Variants in WDHD1 observed in about 807,000 individuals in gnomAD.
WDHD1 encodes the protein WD repeat and HMG-box DNA binding protein 1.
In WDHD1, 111 loss-of-function variants were observed where a neutral mutation model predicts 135.4. The ratio of observed to expected loss-of-function variants is 0.82; its 90% CI spans 0.70 to 0.96. The LOEUF is 0.96. Among genes scored for constraint, WDHD1 ranks in the 40% least tolerant of loss-of-function variants. The pLI is 0.00. For missense variants in WDHD1, 1,351 were observed against 1,336.3 expected (o/e 1.01, Z -0.17); for synonymous variants, 434 against 439.0 (o/e 0.99, Z 0.14).
intron 17 of WDHD1, 122 bp downstream of exon 17, chr14:54,967,158 C>A (rs1338875991): frequency 2.5e-6 from 2 of 785,924 alleles, no homozygotes; most frequent in African/African-American, 1.8e-5. Flanking sequence ...CCCTGCTACC[C>A]CTATTTATGT....
At chr14:54,998,993 A>G (rs531423143) in intron 10 of WDHD1, among the ~76,000 whole-genome samples, 1 of 152,168 alleles carries the variant, frequency 6.6e-6, no homozygotes, top group Non-Finnish European at 1.5e-5. Flanking sequence ...CTTTTTACAC[A>G]TACAGTATAT....
chr14:54,993,734 C>T (rs1337602612), intron 11 of WDHD1, among the ~76,000 whole-genome samples: 2 of 139,252 alleles, frequency 1.4e-5, no homozygotes, highest in African/African-American at 6.1e-5. Flanking sequence ...ATTGCAATGC[C>T]ACTCTTCTCA....
intron 15 of WDHD1, among the ~76,000 whole-genome samples, chr14:54,982,045 T>C (rs922052613): frequency 6.6e-6 from 1 of 151,862 alleles, no homozygotes; most frequent in African/African-American, 2.4e-5. Flanking sequence ...TCTTGCTGTG[T>C]ACCCAGGCTG....
chr14:55,009,516 C>T (rs867305470), intron 4 of WDHD1, among the ~76,000 whole-genome samples: 1 of 149,624 alleles, frequency 6.7e-6, no homozygotes, highest in Non-Finnish European at 1.5e-5. Flanking sequence ...CACGCAACCT[C>T]TGTCTCCCGG....
rs1282347569 is a variant in WDHD1, at chr14:54,984,605, A to G, written c.1906+118T>C. 4 of 900,146 alleles carry G rather than the reference A, an allele frequency of 4.4e-6. No individual in the cohort carries two copies. In the East Asian group the frequency reaches 1.3e-4, roughly 30 times the overall value. 55.8% of individuals were successfully genotyped at this position (900,146 alleles called of 1,614,324 possible). On this transcript the variant is annotated intron_variant, in intron 15 of 25. Transcript: ENST00000360586. ...ATATTAAAATAGAAATTTAAAATAT[A>G]AAATAGAGATAATTTATTCTTAAAT...
intron 25 of WDHD1, 63 bp downstream of exon 25, chr14:54,944,269 C>G (rs1177425818): frequency 6.3e-7 from 1 of 1,587,928 alleles, no homozygotes; most frequent in African/African-American, 1.4e-5. Context: ...AAAGGCATTT[C>G]TATAAGAATT....
In WDHD1 at chr14:55,026,744, C is replaced by T; in HGVS notation, c.44G>A (p.Gly15Glu). ...RKPMRYGHTE[G>E]HTEVCFDDSG... Reference sequence around the variant, plus strand: ...ATCATCAAAACAGACCTCCGTGTGTCCCTCTGTATGCCCATATCTCATTGG... The same window carrying T: ...ATCATCAAAACAGACCTCCGTGTGTTCCTCTGTATGCCCATATCTCATTGG... Residue 15 changes from glycine to glutamate, a missense_variant, in exon 2 of 26, where the codon GGA becomes GAA. Physicochemically the swap from Gly to Glu is moderately conservative, Grantham distance 98. Transcript: ENST00000360586. 1 of 1,614,218 alleles carries T rather than the reference C, an allele frequency of 6.2e-7. No individual in the cohort carries two copies. The highest frequency in any genetic ancestry group is 1.3e-5 in the African/African-American group (1 of 75,062).
intron 24 of WDHD1, among the ~76,000 whole-genome samples, chr14:54,952,672 C>A (rs947972473): frequency 6.6e-5 from 10 of 152,138 alleles, no homozygotes; most frequent in Non-Finnish European, 1.2e-4. Context: ...CAAAAAAGAG[C>A]CCGCATTGCC....
chr14:54,981,581 G>C lies in WDHD1; in HGVS notation c.2022C>G (p.His674Gln). Residue 674 changes from histidine (H) to glutamine (Q), a missense_variant, in exon 16 of 26, where the codon CAC becomes CAG. Physicochemically the swap from His to Gln is conservative, Grantham distance 24. Around this residue, in one of 2 missense-constraint regions of WDHD1, gnomAD observed 1,330 missense variants for 1,296.1 expected, o/e 1.03. Coordinates refer to ENST00000360586, the MANE Select transcript of WDHD1 (RefSeq NM_007086.4). ...TREHCKGKSD[H>Q]YWVVGIHENP... is the part of the protein sequence containing the mutation. ...TTTCATGGATACCAACCACCCAGTA[G>C]TGATCAGATTTTCCTTTGCAGTGCT... 4 of 1,613,608 alleles carry C rather than the reference G, an allele frequency of 2.5e-6. No homozygotes were observed. The highest frequency in any genetic ancestry group is 3.4e-6 in the Non-Finnish European group (4 of 1,179,850).
intron 10 of WDHD1, among the ~76,000 whole-genome samples, chr14:54,999,325 A>T (rs1170248218): frequency 2.0e-5 from 3 of 152,244 alleles, no homozygotes; most frequent in African/African-American, 7.2e-5. Context: ...AATCTCCAAC[A>T]TTCTGCCAGA....
intron 11 of WDHD1, among the ~76,000 whole-genome samples, chr14:54,994,788 TCATAA>T (rs1346621986): frequency 1.3e-5 from 2 of 150,572 alleles, no homozygotes; most frequent in Non-Finnish European, 3.0e-5. Context: ...CCGGTTGCAC[TCATAA>T]CATATCTCAG....
At chr14:54,990,393 C>T (rs1312862077) in intron 12 of WDHD1, among the ~76,000 whole-genome samples, 1 of 151,958 alleles carries the variant, frequency 6.6e-6, no homozygotes, top group East Asian at 1.9e-4. Context: ...GTCAGGAGAT[C>T]GAGACCATCC....
At chr14:54,961,532 C>A (rs1475891266) in intron 21 of WDHD1, among the ~76,000 whole-genome samples, 2 of 152,244 alleles carry the variant, frequency 1.3e-5, no homozygotes, top group East Asian at 1.9e-4. Flanking sequence ...TGTTCCCATG[C>A]ACCTTTGCCT....
Position 54,991,248 on chromosome 14 carries a change from C to G in WDHD1, c.1306G>C (p.Gly436Arg). 1 of 1,611,026 alleles carries G rather than the reference C, an allele frequency of 6.2e-7. No individual in the cohort carries two copies. The highest frequency in any genetic ancestry group is 8.5e-7 in the Non-Finnish European group (1 of 1,177,334). ...TGAGTGAGATGCAACGGTGTAGAAC[C>G]TGACTGAAATGGCTTTTGCCGGGGA... ...PTPRQKPFQS[G>R]STPLHLTHRF... Residue 436 changes from glycine to arginine, a missense_variant, in exon 12 of 26, where the codon GGT becomes CGT. Gly to Arg is a moderately radical substitution (Grantham distance 125, BLOSUM62 -2). Transcript: ENST00000360586.
intron 11 of WDHD1, among the ~76,000 whole-genome samples, chr14:54,993,142 G>C (rs1478238548): frequency 1.3e-5 from 2 of 151,946 alleles, no homozygotes; most frequent in East Asian, 3.9e-4. Flanking sequence ...TTCTGAGACA[G>C]GGTCTCGTTC....
At chr14:54,982,474 T>C (rs1207328997) in intron 15 of WDHD1, among the ~76,000 whole-genome samples, 1 of 152,198 alleles carries the variant, frequency 6.6e-6, no homozygotes, top group Non-Finnish European at 1.5e-5. Flanking sequence ...GCCTTGTCAC[T>C]ACTCTGTCCC....
rs146869364 is a variant in WDHD1, at chr14:54,975,836, T to A, written c.2063+5704A>T. Among the ~76,000 whole-genome samples the A allele has an allele frequency of 6.3e-3, 961 of 152,242 alleles. 9 individuals carry two copies. The highest frequency in any genetic ancestry group is 0.022 in the African/African-American group (905 of 41,550). ...TGCACCGATGTGACACGCTCTCAAA[T>A]GAATTTTTAAAAATTATTTTTCACA... On this transcript the variant is annotated intron_variant, in intron 16 of 25. Coordinates refer to ENST00000360586, the MANE Select transcript of WDHD1 (RefSeq NM_007086.4).
At chr14:54,943,116 G>A (rs1422689393) in intron 25 of WDHD1, among the ~76,000 whole-genome samples, 1 of 152,158 alleles carries the variant, frequency 6.6e-6, no homozygotes, top group East Asian at 1.9e-4. Context: ...CATTCCTGGG[G>A]AAGTGAAACC....
chr14:54,988,125 T>C lies in WDHD1; in HGVS notation c.1527-738A>G, dbSNP rs1335681730. On this transcript the variant is annotated intron_variant, in intron 13 of 25. Coordinates refer to ENST00000360586, the MANE Select transcript of WDHD1 (RefSeq NM_007086.4). ...ATCATAATTTTTTTCTTGACATCTA[T>C]CTACCTATTTACTTACCTACCTACT... 3.9e-5 allele frequency among the ~76,000 whole-genome samples: 6 copies of C among 152,222 alleles called. No homozygotes were observed. The East Asian group carries it at 7.7e-4, about 20-fold the overall frequency.
Sources: allele counts gnomAD v4.1 joint callset (sites outside exome capture counted in the v4.1 genomes callset), GRCh38; gene constraint gnomAD v4.1.1; regional missense constraint gnomAD v4.1.1; transcripts MANE v1.5; gene names NCBI Gene and HGNC (gene_info 2026-07-23, HGNC 2026-07-21).